Variants in WDR70 observed in about 807,000 individuals in gnomAD.
WDR70 encodes the protein WD repeat domain 70.
WDR70 carries 53 observed loss-of-function variants against 88.6 expected under a neutral mutation model. The observed-to-expected ratio is 0.60, with a 90% confidence interval of 0.48 to 0.75. The LOEUF (loss-of-function observed/expected upper bound fraction) is 0.75. Ranked by LOEUF, WDR70 falls within the 30% of genes least tolerant of loss-of-function variation. The probability of loss-of-function intolerance (pLI) is 0.00; values close to 1 mark genes in which losing one functional copy is unlikely to be tolerated. For missense variants in WDR70, 610 were observed against 823.2 expected (o/e 0.74, Z 3.17); for synonymous variants, 280 against 270.0 (o/e 1.04, Z -0.36).
At position 37,674,406 on chromosome 5, in the gene WDR70, C is replaced by T. The variant is rs1581484033; in HGVS notation, c.1093-23249C>T. 3.3e-5 allele frequency among the ~76,000 whole-genome samples: 5 copies of T among 152,144 alleles called. 2 individuals carry two copies. The highest frequency in any genetic ancestry group is 3.3e-4 in the Admixed American group (5 of 15,290). ...CCTTCCCCAACCCCACAACAGTCCC[C>T]AGAGTGTGATGTTCCCCTTCCTGTG... On this transcript the variant is annotated intron_variant, in intron 10 of 17. Coordinates refer to ENST00000265107, the MANE Select transcript of WDR70 (RefSeq NM_018034.4).
intron 5 of WDR70, among the ~76,000 whole-genome samples, chr5:37,403,522 C>G (rs936212547): frequency 1.3e-5 from 2 of 152,172 alleles, no homozygotes; most frequent in Non-Finnish European, 2.9e-5. Context: ...GGGCAGGACT[C>G]CACCTGGCGA....
chr5:37,681,453 T>C (rs1746433649), intron 10 of WDR70, among the ~76,000 whole-genome samples: 2 of 152,208 alleles, frequency 1.3e-5, no homozygotes, highest in Non-Finnish European at 2.9e-5. Flanking sequence ...TGGCCAGGAC[T>C]TCCAATACTA....
intron 17 of WDR70, among the ~76,000 whole-genome samples, chr5:37,734,759 C>A (rs1486968795): frequency 6.6e-6 from 1 of 152,054 alleles, no homozygotes; most frequent in South Asian, 2.1e-4. Flanking sequence ...GAAGAGCATC[C>A]CATGCAGCGA....
At chr5:37,715,337 CAAAA>C (rs138965709) in intron 13 of WDR70, among the ~76,000 whole-genome samples, 35 of 112,952 alleles carry the variant, frequency 3.1e-4, no homozygotes, top group Non-Finnish European at 3.8e-4. Flanking sequence ...AGATTTCTGG[CAAAA>C]AAAAAAAAAA....
intron 10 of WDR70, among the ~76,000 whole-genome samples, chr5:37,653,615 G>A (rs1327020221): frequency 1.3e-5 from 2 of 152,140 alleles, no homozygotes; most frequent in African/African-American, 2.4e-5. Flanking sequence ...CTCGATTTCA[G>A]AACTTGTTAT....
intron 5 of WDR70, among the ~76,000 whole-genome samples, chr5:37,423,908 G>A (rs1750032462): frequency 6.8e-6 from 1 of 147,968 alleles, no homozygotes; most frequent in Non-Finnish European, 1.5e-5. Context: ...CAGCACTTTG[G>A]GAGGCCGAGG....
intron 17 of WDR70, among the ~76,000 whole-genome samples, chr5:37,735,122 C>T (rs1348072238): frequency 1.3e-5 from 2 of 152,092 alleles, no homozygotes; most frequent in African/African-American, 2.4e-5. Flanking sequence ...TTTCCATCCC[C>T]TCCTGGCAAA....
chr5:37,633,512 A>G (rs532801063), intron 10 of WDR70, among the ~76,000 whole-genome samples: 2 of 151,516 alleles, frequency 1.3e-5, no homozygotes, highest in African/African-American at 4.9e-5. Context: ...TAGCCAGATG[A>G]TATCTTACTA....
At chr5:37,744,243 C>A (rs1273211587) in intron 17 of WDR70, among the ~76,000 whole-genome samples, 1 of 152,094 alleles carries the variant, frequency 6.6e-6, no homozygotes, top group Non-Finnish European at 1.5e-5. Flanking sequence ...TCAACAACAA[C>A]AAAAAGGCCC....
chr5:37,732,451 C>G (rs968169475), intron 17 of WDR70, among the ~76,000 whole-genome samples: 1 of 152,004 alleles, frequency 6.6e-6, no homozygotes, highest in African/African-American at 2.4e-5. Flanking sequence ...CAGCCTTTTT[C>G]TTTCATAAAC....
intron 7 of WDR70, among the ~76,000 whole-genome samples, chr5:37,447,756 G>A (rs888207577): frequency 6.6e-6 from 1 of 152,146 alleles, no homozygotes; most frequent in Non-Finnish European, 1.5e-5. Context: ...ATGGTCACAG[G>A]AAGGGGAACA....
chr5:37,475,843 AT>A (rs35126157), intron 7 of WDR70, among the ~76,000 whole-genome samples: 14,669 of 120,442 alleles, frequency 0.12, 2,541 homozygotes, highest in African/African-American at 0.44. Flanking sequence ...TGCATTACAT[AT>A]TTTTTTTTTT....
chr5:37,691,389 C>A (rs527776563), intron 10 of WDR70, among the ~76,000 whole-genome samples: 1 of 152,300 alleles, frequency 6.6e-6, no homozygotes, highest in South Asian at 2.1e-4. Context: ...ACTCTCCATC[C>A]CGAATCAACA....
Position 37,722,390 on chromosome 5 carries a change from C to T in WDR70, c.1518-465C>T, listed in dbSNP as rs74495710. ...CACACATTCTTGGGCCATAGCCCCTCGGCAACACTGCCAAGCCAACTCAGT... is the reference window on the plus strand; with the variant it reads ...CACACATTCTTGGGCCATAGCCCCTTGGCAACACTGCCAAGCCAACTCAGT... On this transcript the variant is annotated intron_variant, in intron 14 of 17. Transcript: ENST00000265107. 3.2e-3 allele frequency: 536 copies of T among 168,016 alleles called. 5 individuals are homozygous for T. Among genetic ancestry groups the T allele is most frequent in the African/African-American group, 0.012 (508 of 41,782 alleles). 10.4% of individuals were successfully genotyped at this position (168,016 alleles called of 1,614,324 possible).
At position 37,449,590 on chromosome 5, in the gene WDR70, C is replaced by CAA. The variant is rs376148041; in HGVS notation, c.686+6230_686+6231dup. On this transcript the variant is annotated intron_variant, in intron 7 of 17. Coordinates refer to ENST00000265107, the MANE Select transcript of WDR70 (RefSeq NM_018034.4). The stretch of plus-strand genomic sequence containing the variant: ...CTGGGCAACGAGTGAAATTTTGTCT[C>CAA]AAAAAAAAAAAAATAAAAAATAAAA... 6.2e-4 allele frequency among the ~76,000 whole-genome samples: 53 copies of CAA among 85,678 alleles called. 1 individual carries two copies. The highest frequency in any genetic ancestry group is 2.2e-3 in the African/African-American group (50 of 23,218). The allele number at this position is 85,678 out of a possible 152,430, so 56.2% of individuals were successfully genotyped here.
chr5:37,561,385 A>G (rs1033768964), intron 9 of WDR70, among the ~76,000 whole-genome samples: 45 of 152,232 alleles, frequency 3.0e-4, no homozygotes, highest in African/African-American at 1.0e-3. Context: ...TTCTTTTAGA[A>G]ATAAAGTCTT....
chr5:37,575,880 C>G (rs971479168), intron 9 of WDR70, among the ~76,000 whole-genome samples: 2 of 152,160 alleles, frequency 1.3e-5, no homozygotes, highest in African/African-American at 4.8e-5. Flanking sequence ...GAGTCCTAAA[C>G]TTGGGTCTGA....
intron 9 of WDR70, among the ~76,000 whole-genome samples, chr5:37,534,166 C>T (rs1049153511): frequency 9.9e-5 from 15 of 152,270 alleles, no homozygotes; most frequent in African/African-American, 3.4e-4. Flanking sequence ...CAATACTGTT[C>T]ATGAACACTG....
rs1187436953 is a variant in WDR70 at position 37,707,921 on chromosome 5, G to GAAA, written c.1416+4860_1416+4862dup. 5.3e-4 allele frequency among the ~76,000 whole-genome samples: 8 copies of GAAA among 15,148 alleles called. 1 individual carries two copies. The highest frequency in any genetic ancestry group is 8.1e-3 in the East Asian group (2 of 246). 9.9% of individuals were successfully genotyped at this position (15,148 alleles called of 152,430 possible). A position where few individuals can be genotyped will look rare whatever the true frequency, so the allele number is the denominator to read the frequency against. Reference sequence around the variant, plus strand: ...AGGGTGAGACTCTGTCTCAAAAAAAGAAAAAAAAAAAAAAAAAAAAAAAAA... The same window carrying GAAA: ...AGGGTGAGACTCTGTCTCAAAAAAAGAAAAAAAAAAAAAAAAAAAAAAAAAAAA... On this transcript the variant is annotated intron_variant, in intron 13 of 17. Coordinates refer to ENST00000265107, the MANE Select transcript of WDR70 (RefSeq NM_018034.4).
Sources: allele counts gnomAD v4.1 joint callset (sites outside exome capture counted in the v4.1 genomes callset), GRCh38; gene constraint gnomAD v4.1.1; transcripts MANE v1.5; gene names NCBI Gene and HGNC (gene_info 2026-07-23, HGNC 2026-07-21).